The following KCNQ1 variants were observed in gnomAD, a reference collection of about 807,000 sequenced individuals.
The protein encoded by KCNQ1 is potassium voltage-gated channel subfamily Q member 1.
KCNQ1 carries 49 observed loss-of-function variants against 72.4 expected under a neutral mutation model. The observed-to-expected ratio is 0.68, with a 90% CI of 0.54 to 0.86. KCNQ1 has a LOEUF of 0.86. KCNQ1 is among the 40% of genes least tolerant of loss of function. The pLI is 0.00. For synonymous variants in KCNQ1, 450 were observed against 412.6 expected (o/e 1.09, Z -1.10); for missense variants, 790 against 945.1 (o/e 0.84, Z 2.15).
chr11:2,640,909 T>C (rs985226621), intron 10 of KCNQ1: 2 of 399,454 alleles, frequency 5.0e-6, no homozygotes, highest in Non-Finnish European at 8.8e-6. Flanking sequence ...CTCCCACATA[T>C]GATAATAACA....
chr11:2,638,112 T>C (rs1849507760), intron 10 of KCNQ1: 1 of 152,230 alleles, frequency 6.6e-6, no homozygotes, highest in Admixed American at 6.5e-5. Context: ...AGCACACTGA[T>C]GGGTCTTGAC....
In KCNQ1 at chr11:2,508,752, A is replaced by G. The variant is rs1204545166; in HGVS notation, c.387-19176A>G. Reference sequence around the variant, plus strand: ...AAACTCCCCGAATGGGAGGGATGGGAAAGACTGTTGAACTAAGCTTTTTAG... The same window carrying G: ...AAACTCCCCGAATGGGAGGGATGGGGAAGACTGTTGAACTAAGCTTTTTAG... On this transcript the variant is annotated intron_variant, in intron 1 of 15. Transcript: ENST00000155840. The surrounding 1 kb of genome is among the most constrained non-coding windows in gnomAD (Gnocchi z 6.2). Among the ~76,000 whole-genome samples the G allele has an allele frequency of 6.6e-6, 1 of 152,200 alleles. No homozygotes were observed. The highest frequency in any genetic ancestry group is 1.5e-5 in the Non-Finnish European group (1 of 68,020).
intron 15 of KCNQ1, among the ~76,000 whole-genome samples, chr11:2,837,863 C>G (rs1197022539): frequency 6.6e-6 from 1 of 152,230 alleles, no homozygotes; most frequent in Non-Finnish European, 1.5e-5. Flanking sequence ...GCGAGGGACC[C>G]TCAGCCGAGG....
rs1849733485 is a variant in KCNQ1 at position 2,650,028 on chromosome 11, G to C, written c.1394-11933G>C. ...CTGTCTGGTTTATTGCAAAACACCT[G>C]TCTTCAAATTTAGAAATTATTTCTT... On this transcript the variant is annotated intron_variant, in intron 10 of 15. Transcript: ENST00000155840. 5 of 398,346 alleles carry C rather than the reference G, an allele frequency of 1.3e-5. No individual in the cohort carries two copies. The East Asian group carries it at 1.8e-4, about 14-fold the overall frequency. 24.7% of individuals were successfully genotyped at this position (398,346 alleles called of 1,614,324 possible). A position where few individuals can be genotyped will look rare whatever the true frequency, so the allele number is the denominator to read the frequency against.
intron 11 of KCNQ1, among the ~76,000 whole-genome samples, chr11:2,751,285 C>G (rs548553019): frequency 6.6e-6 from 1 of 152,346 alleles, no homozygotes; most frequent in East Asian, 1.9e-4. Flanking sequence ...CTCCCACACC[C>G]TCATCCAAAC....
chr11:2,525,931 G>A (rs896093545), intron 1 of KCNQ1, among the ~76,000 whole-genome samples: 3 of 152,218 alleles, frequency 2.0e-5, no homozygotes, highest in Non-Finnish European at 4.4e-5. Context: ...TCTAGGGGGT[G>A]GACAACAGAC....
rs765248017 is a variant in KCNQ1, at chr11:2,785,081, A to T, written c.1794+7044A>T. Among the ~76,000 whole-genome samples the T allele has an allele frequency of 6.6e-6, 1 of 152,018 alleles. No homozygotes were observed. The highest frequency in any genetic ancestry group is 1.5e-5 in the Non-Finnish European group (1 of 67,854). ...ATATTGACTAGAAGTGCTAGAGCAG[A>T]TCTTCTGGGGAAAATCATTCAATCA... On this transcript the variant is annotated intron_variant, in intron 15 of 15. Coordinates refer to ENST00000155840, the MANE Select transcript of KCNQ1 (RefSeq NM_000218.3). This position sits in a 1 kb window ranked among gnomAD's most constrained non-coding sequence, Gnocchi z 4.4.
At chr11:2,533,429 G>C (rs559759835) in intron 2 of KCNQ1, among the ~76,000 whole-genome samples, 55 of 152,352 alleles carry the variant, frequency 3.6e-4, no homozygotes, top group Non-Finnish European at 7.6e-4. Flanking sequence ...CACTTCCTGG[G>C]CTGCAAAGAG....
rs1297055608 is a variant in KCNQ1 at position 2,537,776 on chromosome 11, T to G, written c.477+9758T>G. Among the ~76,000 whole-genome samples the G allele has an allele frequency of 6.6e-6, 1 of 152,204 alleles. No homozygotes were observed. Among genetic ancestry groups the G allele is most frequent in the Admixed American group, 6.5e-5 (1 of 15,276 alleles). Reference sequence around the variant, plus strand: ...CTGTGTTGCCCAGGTTGGAGAGTAGTGGCATACTCACGGCTCACTGCAGCC... The same window carrying G: ...CTGTGTTGCCCAGGTTGGAGAGTAGGGGCATACTCACGGCTCACTGCAGCC... On this transcript the variant is annotated intron_variant, in intron 2 of 15. Transcript: ENST00000155840. The surrounding 1 kb of genome is among the most constrained non-coding windows in gnomAD (Gnocchi z 5.2).
chr11:2,581,976 C>T (rs1005740952), intron 6 of KCNQ1, among the ~76,000 whole-genome samples: 1 of 152,214 alleles, frequency 6.6e-6, no homozygotes, highest in African/African-American at 2.4e-5. Context: ...TCTGCAGAAG[C>T]ATCCTGGCCA....
chr11:2,588,736 G>A lies in KCNQ1; in HGVS notation c.1275G>A (p.Leu425=), dbSNP rs1848629379. 6.2e-7 allele frequency: 1 copy of A among 1,613,696 alleles called. No individual in the cohort carries two copies. The highest frequency in any genetic ancestry group is 2.2e-5 in the East Asian group (1 of 44,882). ...AGGTAAAGAAAAAAAAGTTCAAGCT[G>A]GACAAAGACAATGGGGTGACTCCTG... The part of the protein sequence containing the change: ...SVVVKKKKFK[L]DKDNGVTPGE... Residue 425 remains leucine (L), a synonymous_variant, in exon 10 of 16, where the codon CTG becomes CTA. Transcript: ENST00000155840. This position sits in a 1 kb window ranked among gnomAD's most constrained non-coding sequence, Gnocchi z 5.6.
chr11:2,699,678 C>T (rs551239543), intron 11 of KCNQ1: 20 of 353,218 alleles, frequency 5.7e-5, no homozygotes, highest in African/African-American at 4.4e-4. Flanking sequence ...AGAACCGCGC[C>T]GAAAAGCCCC....
rs1183195010 is a variant in KCNQ1, at chr11:2,659,100, A to G, written c.1394-2861A>G. On this transcript the variant is annotated intron_variant, in intron 10 of 15. Coordinates refer to ENST00000155840, the MANE Select transcript of KCNQ1 (RefSeq NM_000218.3). The surrounding 1 kb of genome is among the most constrained non-coding windows in gnomAD (Gnocchi z 4.3). ...GCTTTTCATCGTAGGGTCCTCCAAC[A>G]TCCGGGTTAATTTTTTAAATTTGCA... is the stretch of plus-strand genomic sequence containing the variant. 2 of 398,460 alleles carry G rather than the reference A, an allele frequency of 5.0e-6. No homozygotes were observed. Among genetic ancestry groups the G allele is most frequent in the Non-Finnish European group, 8.8e-6 (2 of 226,034 alleles). The allele number at this position is 398,460 out of a possible 1,614,324, so 24.7% of individuals were successfully genotyped here.
intron 1 of KCNQ1, among the ~76,000 whole-genome samples, chr11:2,459,177 C>T (rs1479197271): frequency 1.3e-5 from 2 of 152,182 alleles, no homozygotes; most frequent in Non-Finnish European, 1.5e-5. Context: ...AAACGAGAGA[C>T]GGACTTCCTT....
At chr11:2,535,201 A>T (rs1261997533) in intron 2 of KCNQ1, among the ~76,000 whole-genome samples, 3 of 152,184 alleles carry the variant, frequency 2.0e-5, no homozygotes, top group Non-Finnish European at 4.4e-5. Flanking sequence ...AGGACGCTAG[A>T]CACTGGCCTG....
intron 11 of KCNQ1, among the ~76,000 whole-genome samples, chr11:2,733,363 G>A (rs527726424): frequency 1.4e-4 from 22 of 152,174 alleles, no homozygotes; most frequent in South Asian, 1.2e-3. Flanking sequence ...CTGCGACCCC[G>A]ACCCTCACTT....
chr11:2,761,693 C>G (rs955793335), intron 11 of KCNQ1, among the ~76,000 whole-genome samples: 14 of 152,194 alleles, frequency 9.2e-5, no homozygotes, highest in Admixed American at 2.0e-4. Flanking sequence ...GCCCTTCTCT[C>G]TGAGACCACA....
chr11:2,707,453 C>T (rs1027540399), intron 11 of KCNQ1, among the ~76,000 whole-genome samples: 9 of 152,146 alleles, frequency 5.9e-5, no homozygotes, highest in Non-Finnish European at 1.2e-4. Context: ...GGGGACTGTG[C>T]CCCCACCCCA....
In KCNQ1 at chr11:2,566,652, C is replaced by T. The variant is rs1388699579; in HGVS notation, c.478-3976C>T. Among the ~76,000 whole-genome samples, 3 of 152,104 alleles carry T rather than the reference C, an allele frequency of 2.0e-5. No homozygotes were observed. Among genetic ancestry groups the T allele is most frequent in the Non-Finnish European group, 4.4e-5 (3 of 68,014 alleles). Reference sequence around the variant, plus strand: ...GGAGGGGCCTCCTTGTCCCTTTGGTCTGTTTGTGGTCTCAGTGGAGACCAA... The same window carrying T: ...GGAGGGGCCTCCTTGTCCCTTTGGTTTGTTTGTGGTCTCAGTGGAGACCAA... On this transcript the variant is annotated intron_variant, in intron 2 of 15. Transcript: ENST00000155840. The surrounding 1 kb of genome is among the most constrained non-coding windows in gnomAD (Gnocchi z 6.7).
Sources: gnomAD v4.1 joint callset for allele counts (sites outside exome capture counted in the v4.1 genomes callset) on GRCh38, gnomAD v4.1.1 for gene constraint, Gnocchi (gnomAD v3.1) non-coding constraint, MANE v1.5 for transcripts, NCBI Gene and HGNC (gene_info 2026-07-23, HGNC 2026-07-21) for gene names.